The following DCUN1D1 variants were observed in gnomAD, a reference collection of about 807,000 sequenced individuals.
DCUN1D1 encodes the protein DCN1-like protein 1.
In DCUN1D1, 3 loss-of-function variants were observed where a neutral mutation model predicts 39.0. The ratio of observed to expected loss-of-function variants is 0.08; its 90% CI spans 0.04 to 0.20. The LOEUF is 0.20. Ranked by LOEUF, DCUN1D1 falls within the 10% of genes least tolerant of loss-of-function variation. The pLI, the probability that DCUN1D1 is intolerant of heterozygous loss-of-function variation, is 1.00. For missense variants in DCUN1D1, 158 were observed against 302.4 expected (o/e 0.52, Z 3.54); for synonymous variants, 82 against 96.3 (o/e 0.85, Z 0.87).
In DCUN1D1 at chr3:182,946,264, C is replaced by CA. The variant is rs536937426; in HGVS notation, c.700+973dup. Among the ~76,000 whole-genome samples the CA allele has an allele frequency of 1.8e-3, 265 of 150,452 alleles. 2 individuals carry two copies. Among genetic ancestry groups the CA allele is most frequent in the Non-Finnish European group, 2.0e-3 (134 of 67,486 alleles). The stretch of plus-strand genomic sequence containing the variant: ...TATATTAGGCGGCTGAAGTAAGTTT[C>CA]AAAAAAAAATAGGCTGGGCGCAGTG... On this transcript the variant is annotated intron_variant, in intron 6 of 6. Transcript: ENST00000292782.
intron 4 of DCUN1D1, among the ~76,000 whole-genome samples, chr3:182,951,157 TG>T (rs1726711716): frequency 6.6e-6 from 1 of 152,126 alleles, no homozygotes; most frequent in African/African-American, 2.4e-5. Context: ...AACATACAAT[TG>T]TCTGGCTTAA....
chr3:182,978,122 T>C (rs960377339), intron 1 of DCUN1D1, among the ~76,000 whole-genome samples: 2 of 146,658 alleles, frequency 1.4e-5, no homozygotes, highest in African/African-American at 4.9e-5. Context: ...TTTTAGTCTG[T>C]GTGTGGGGGG....
chr3:182,964,277 C>T (rs1396035304), intron 2 of DCUN1D1, among the ~76,000 whole-genome samples: 1 of 152,122 alleles, frequency 6.6e-6, no homozygotes, highest in Non-Finnish European at 1.5e-5. Context: ...TTTTTAAAGT[C>T]TCATTTATTC....
chr3:182,944,956 C>T lies in DCUN1D1; in HGVS notation c.*138G>A. Reference sequence around the variant, plus strand: ...AATACGATATGGTCCAAGATGTATCCTTAAAGTTTTGTCTCAACCCTCAGT... The same window carrying T: ...AATACGATATGGTCCAAGATGTATCTTTAAAGTTTTGTCTCAACCCTCAGT... On this transcript the variant is annotated 3_prime_UTR_variant, in exon 7 of 7. Transcript: ENST00000292782. 1.4e-6 allele frequency: 1 copy of T among 698,406 alleles called. No individual in the cohort carries two copies. 43.3% of individuals were successfully genotyped at this position (698,406 alleles called of 1,614,324 possible).
Position 182,943,918 on chromosome 3 carries a change from G to A in DCUN1D1, c.*1176C>T, listed in dbSNP as rs755079737. The A allele has an allele frequency of 3.9e-5, 6 of 152,580 alleles. No individual in the cohort carries two copies. The highest frequency in any genetic ancestry group is 1.2e-4 in the African/African-American group (5 of 41,456). 9.5% of individuals were successfully genotyped at this position (152,580 alleles called of 1,614,324 possible). On this transcript the variant is annotated 3_prime_UTR_variant, in exon 7 of 7. Coordinates refer to ENST00000292782, the MANE Select transcript of DCUN1D1 (RefSeq NM_020640.4). ...TTGGTATTTTGCATCGTGTATGCTT[G>A]TTTGAAAATCTTTGCTCCTGAAGTA...
At chr3:182,951,274 TTTTTCC>T (rs1035839897) in intron 4 of DCUN1D1, among the ~76,000 whole-genome samples, 9 of 152,218 alleles carry the variant, frequency 5.9e-5, no homozygotes, top group African/African-American at 2.2e-4. Context: ...CTAGTATATT[TTTTTCC>T]TTTTCAACTA....
At chr3:182,972,866 A>G (rs1728017348) in intron 1 of DCUN1D1, among the ~76,000 whole-genome samples, 2 of 152,140 alleles carry the variant, frequency 1.3e-5, no homozygotes, top group South Asian at 4.1e-4. Flanking sequence ...AACATGGAGA[A>G]ACCCCATCTC....
intron 1 of DCUN1D1, among the ~76,000 whole-genome samples, chr3:182,978,147 C>T (rs1432535274): frequency 7.1e-6 from 1 of 141,122 alleles, no homozygotes; most frequent in Non-Finnish European, 1.6e-5. Context: ...AGGAAGTTAA[C>T]AGAACTTTTT....
intron 1 of DCUN1D1, among the ~76,000 whole-genome samples, chr3:182,970,964 C>A (rs966707505): frequency 6.6e-6 from 1 of 152,170 alleles, no homozygotes; most frequent in Non-Finnish European, 1.5e-5. Context: ...CACCTAGAAA[C>A]AAAGTTCTAC....
chr3:182,963,550 T>G (rs577112122), intron 3 of DCUN1D1, among the ~76,000 whole-genome samples: 4 of 152,238 alleles, frequency 2.6e-5, no homozygotes, highest in Non-Finnish European at 4.4e-5. Context: ...ATTTTATAAA[T>G]GCAGGGTTCA....
At chr3:182,966,937 T>C (rs1005129359) in intron 1 of DCUN1D1, among the ~76,000 whole-genome samples, 1 of 151,858 alleles carries the variant, frequency 6.6e-6, no homozygotes, top group African/African-American at 2.4e-5. Flanking sequence ...TGAAACCCCG[T>C]CTCTACTAAA....
At chr3:182,951,617 CAAAAAAAAAAAA>C (rs748698621) in intron 4 of DCUN1D1, among the ~76,000 whole-genome samples, 3 of 44,382 alleles carry the variant, frequency 6.8e-5, no homozygotes, top group South Asian at 1.6e-3. Context: ...CCCTGTCTCC[CAAAAAAAAAAAA>C]AAAAAAAAAA....
At chr3:182,957,937 CAAAAA>C (rs34998390) in intron 4 of DCUN1D1, among the ~76,000 whole-genome samples, 6 of 67,500 alleles carry the variant, frequency 8.9e-5, no homozygotes, top group Non-Finnish European at 1.2e-4. Context: ...GACCCTGCAT[CAAAAA>C]AAAAAAAAAA....
chr3:182,976,294 C>T (rs1414751267), intron 1 of DCUN1D1, among the ~76,000 whole-genome samples: 1 of 151,994 alleles, frequency 6.6e-6, no homozygotes, highest in Non-Finnish European at 1.5e-5. Context: ...GTATATCGTA[C>T]CACTCAGAAT....
chr3:182,974,763 TAA>T (rs11425594), intron 1 of DCUN1D1, among the ~76,000 whole-genome samples: 1 of 147,150 alleles, frequency 6.8e-6, no homozygotes, highest in African/African-American at 2.5e-5. Flanking sequence ...TAATAGACTT[TAA>T]AAAAAAAAAA....
At position 182,945,078 on chromosome 3, in the gene DCUN1D1, G is replaced by A. The variant is rs1238676185; in HGVS notation, c.*16C>T. 6.2e-7 allele frequency: 1 copy of A among 1,605,534 alleles called. No homozygotes were observed. The highest frequency in any genetic ancestry group is 1.7e-5 in the Admixed American group (1 of 59,800). ...TATTGTACAGACTATGTACATTCTA[G>A]AAGGTTCCTTTAGTGCTACACTGTT... On this transcript the variant is annotated 3_prime_UTR_variant, in exon 7 of 7. Transcript: ENST00000292782.
chr3:182,954,689 T>C (rs1450806691), intron 4 of DCUN1D1, among the ~76,000 whole-genome samples: 1 of 152,204 alleles, frequency 6.6e-6, no homozygotes, highest in Non-Finnish European at 1.5e-5. Context: ...TAAACATTAG[T>C]ATTTGAGAAT....
intron 1 of DCUN1D1, among the ~76,000 whole-genome samples, chr3:182,972,296 T>C (rs2108391366): frequency 6.6e-6 from 1 of 151,854 alleles, no homozygotes; most frequent in Non-Finnish European, 1.5e-5. Flanking sequence ...AAAATACAAA[T>C]ACTTGTACAG....
intron 4 of DCUN1D1, among the ~76,000 whole-genome samples, chr3:182,954,166 A>G (rs1448885121): frequency 6.6e-6 from 1 of 152,204 alleles, no homozygotes. Flanking sequence ...ACCAGTGCAC[A>G]TTTTCAAATG....
Sources: allele counts gnomAD v4.1 joint callset (sites outside exome capture counted in the v4.1 genomes callset), GRCh38; gene constraint gnomAD v4.1.1; transcripts MANE v1.5; gene names NCBI Gene and HGNC (gene_info 2026-07-23, HGNC 2026-07-21).